The following PRKG1 variants were observed in gnomAD, a reference collection of about 807,000 sequenced individuals.
PRKG1 encodes cGMP-dependent protein kinase 1.
A neutral mutation model predicts 88.1 loss-of-function variants in PRKG1; 35 were observed. That is an observed-to-expected ratio of 0.40 (90% CI 0.30 to 0.53). The LOEUF is 0.53. PRKG1 is among the 20% of genes least tolerant of loss of function. The pLI, the probability that PRKG1 is intolerant of heterozygous loss-of-function variation, is 0.59. For missense variants in PRKG1, 540 were observed against 839.8 expected (o/e 0.64, Z 4.41); for synonymous variants, 303 against 292.5 (o/e 1.04, Z -0.37).
chr10:51,026,191 T>G (rs1471114013), intron 1 of PRKG1, among the ~76,000 whole-genome samples: 1 of 152,158 alleles, frequency 6.6e-6, no homozygotes, highest in Non-Finnish European at 1.5e-5. Flanking sequence ...AACACCTTGA[T>G]TTTGGACTTC....
chr10:51,409,910 TA>T (rs1838030886), intron 2 of PRKG1, among the ~76,000 whole-genome samples: 1 of 148,886 alleles, frequency 6.7e-6, no homozygotes, highest in Non-Finnish European at 1.5e-5. Context: ...GGCCTTGCTC[TA>T]AAATCCTAGA....
chr10:51,103,649 A>G (rs1844742078), intron 1 of PRKG1, among the ~76,000 whole-genome samples: 1 of 152,166 alleles, frequency 6.6e-6, no homozygotes, highest in African/African-American at 2.4e-5. Context: ...TGGGATCCGG[A>G]TGAGCTGAAT....
intron 1 of PRKG1, among the ~76,000 whole-genome samples, chr10:51,135,103 A>T (rs945352658): frequency 6.6e-5 from 10 of 152,210 alleles, no homozygotes; most frequent in Admixed American, 5.2e-4. Flanking sequence ...GACTTTTACA[A>T]AAGTAGAAGT....
intron 2 of PRKG1, among the ~76,000 whole-genome samples, chr10:51,413,157 A>G (rs913907338): frequency 6.6e-6 from 1 of 152,302 alleles, no homozygotes. Flanking sequence ...TCCCATTCCA[A>G]ACTAAATGAT....
rs1158292917 is a variant in PRKG1 at position 51,600,804 on chromosome 10, T to C, written c.592+132968T>C. The stretch of plus-strand genomic sequence containing the variant: ...AGACATATCAAGCTTTAGATCTCAA[T>C]CAAATTTAGTCATACAACAAAGTTT... On this transcript the variant is annotated intron_variant, in intron 3 of 17. Coordinates refer to ENST00000373980, the MANE Select transcript of PRKG1 (RefSeq NM_006258.4). Among the ~76,000 whole-genome samples, 2 of 152,132 alleles carry C rather than the reference T, an allele frequency of 1.3e-5. 1 individual carries two copies. Among genetic ancestry groups the C allele is most frequent in the African/African-American group, 4.8e-5 (2 of 41,430 alleles).
intron 2 of PRKG1, among the ~76,000 whole-genome samples, chr10:51,171,823 A>G (rs1052335880): frequency 2.0e-5 from 3 of 152,068 alleles, no homozygotes; most frequent in African/African-American, 7.2e-5. Flanking sequence ...GTTCCAGCAC[A>G]CAGCACATGT....
At chr10:52,023,085 G>A (rs1227139817) in intron 5 of PRKG1, among the ~76,000 whole-genome samples, 4 of 152,082 alleles carry the variant, frequency 2.6e-5, no homozygotes, top group Non-Finnish European at 5.9e-5. Context: ...CACCCCGACA[G>A]GTCCTGGTGT....
chr10:51,392,416 C>G (rs1837429648), intron 2 of PRKG1, among the ~76,000 whole-genome samples: 1 of 152,170 alleles, frequency 6.6e-6, no homozygotes. Context: ...TGAGTGGACA[C>G]AGCACATGTT....
At chr10:51,602,997 G>A (rs1004046148) in intron 3 of PRKG1, among the ~76,000 whole-genome samples, 2 of 151,862 alleles carry the variant, frequency 1.3e-5, no homozygotes, top group East Asian at 3.9e-4. Context: ...TCACTCTGTT[G>A]CCTAGGCTGG....
intron 1 of PRKG1, among the ~76,000 whole-genome samples, chr10:51,033,250 A>G (rs1430415784): frequency 6.6e-6 from 1 of 152,124 alleles, no homozygotes. Flanking sequence ...TCATGTCCTC[A>G]CAACAGGGCA....
intron 5 of PRKG1, among the ~76,000 whole-genome samples, chr10:52,034,712 G>A (rs1221398620): frequency 1.3e-5 from 2 of 151,826 alleles, no homozygotes; most frequent in Non-Finnish European, 1.5e-5. Flanking sequence ...ACAAGAGCAG[G>A]GCATGTATGA....
intron 3 of PRKG1, among the ~76,000 whole-genome samples, chr10:51,717,026 A>G (rs1564619247): frequency 6.6e-6 from 1 of 152,180 alleles, no homozygotes; most frequent in Non-Finnish European, 1.5e-5. Context: ...AAAGTATAAA[A>G]GTCTTGTCAG....
intron 2 of PRKG1, among the ~76,000 whole-genome samples, chr10:51,403,615 C>T (rs1196514372): frequency 1.3e-5 from 2 of 152,082 alleles, no homozygotes; most frequent in Non-Finnish European, 2.9e-5. Context: ...AGTAATAGAG[C>T]CAAGATGTGA....
chr10:51,474,906 G>C (rs1048188638), intron 3 of PRKG1, among the ~76,000 whole-genome samples: 10 of 151,870 alleles, frequency 6.6e-5, no homozygotes. Flanking sequence ...AAATTTCTAA[G>C]TCATCATGAT....
chr10:51,352,382 A>G (rs1214102746), intron 2 of PRKG1, among the ~76,000 whole-genome samples: 1 of 152,140 alleles, frequency 6.6e-6, no homozygotes. Context: ...ATCCATGAGC[A>G]TAGAATATTT....
At chr10:51,365,679 T>A (rs1588884641) in intron 2 of PRKG1, among the ~76,000 whole-genome samples, 1 of 151,946 alleles carries the variant, frequency 6.6e-6, no homozygotes, top group African/African-American at 2.4e-5. Context: ...CCAGAGCTGG[T>A]AAATTAGAAT....
At chr10:52,173,692 G>A (rs1410949185) in intron 9 of PRKG1, among the ~76,000 whole-genome samples, 4 of 152,028 alleles carry the variant, frequency 2.6e-5, no homozygotes, top group Non-Finnish European at 5.9e-5. Flanking sequence ...ATTACTTCAG[G>A]CAGCCAGCCT....
chr10:51,311,713 G>C (rs1841190309), intron 2 of PRKG1, among the ~76,000 whole-genome samples: 1 of 152,160 alleles, frequency 6.6e-6, no homozygotes, highest in African/African-American at 2.4e-5. Flanking sequence ...TTCACCATCT[G>C]TGTTGGCTTG....
In PRKG1 at chr10:51,221,773, C is replaced by T. The variant is rs181158638; in HGVS notation, c.478+68443C>T. 2.7e-3 allele frequency among the ~76,000 whole-genome samples: 410 copies of T among 151,982 alleles called. 3 individuals are homozygous for T. The highest frequency in any genetic ancestry group is 9.5e-3 in the African/African-American group (396 of 41,496). On this transcript the variant is annotated intron_variant, in intron 2 of 17. Transcript: ENST00000373980. ...AATGAAAGGTAGTTATCTAGTCCAACCAGCAGTGCCTCAACAAAGGCTAAG... is the reference window on the plus strand; with the variant it reads ...AATGAAAGGTAGTTATCTAGTCCAATCAGCAGTGCCTCAACAAAGGCTAAG...
Sources: allele counts gnomAD v4.1 joint callset (sites outside exome capture counted in the v4.1 genomes callset), GRCh38; gene constraint gnomAD v4.1.1; transcripts MANE v1.5; gene names NCBI Gene and HGNC (gene_info 2026-07-23, HGNC 2026-07-21).